CDH20: variants seen among roughly 807,000 people sequenced by gnomAD.
CDH20 encodes cadherin 20, also known as cadherin-20.
Under a neutral mutation model 74.2 loss-of-function variants are expected in CDH20, and 29 were observed. The observed-to-expected ratio is 0.39, with a 90% confidence interval of 0.29 to 0.53. The LOEUF (loss-of-function observed/expected upper bound fraction) is 0.53. Among genes scored for constraint, CDH20 ranks in the 20% least tolerant of loss-of-function variants. The pLI is 0.69. For synonymous variants in CDH20, 469 were observed against 405.4 expected (o/e 1.16, Z -1.88); for missense variants, 988 against 1,048.3 (o/e 0.94, Z 0.79).
At chr18:61,350,414 G>A (rs1339826484) in intron 1 of CDH20, among the ~76,000 whole-genome samples, 6 of 151,962 alleles carry the variant, frequency 3.9e-5, no homozygotes, top group Non-Finnish European at 7.4e-5. Context: ...GACTTCCAGC[G>A]GTCTTGAGTT....
intron 1 of CDH20, among the ~76,000 whole-genome samples, chr18:61,459,045 T>C (rs1909678089): frequency 6.6e-6 from 1 of 152,216 alleles, no homozygotes; most frequent in African/African-American, 2.4e-5. Context: ...CAGTAATAGC[T>C]CCTAAGTGGA....
intron 1 of CDH20, among the ~76,000 whole-genome samples, chr18:61,347,299 TATATATATATATATATATATACACAC>T (rs1218203610): frequency 1.2e-4 from 9 of 74,314 alleles, no homozygotes; most frequent in Non-Finnish European, 2.1e-4. Context: ...TATATATATA[TATATATATATATATATATATACACAC>T]ACACACACAC....
chr18:61,375,845 T>G (rs576599701), intron 1 of CDH20, among the ~76,000 whole-genome samples: 6 of 152,134 alleles, frequency 3.9e-5, no homozygotes, highest in African/African-American at 1.4e-4. Flanking sequence ...TTTAATCTCT[T>G]ACATTTTCCA....
At chr18:61,448,325 A>G (rs1909266608) in intron 1 of CDH20, among the ~76,000 whole-genome samples, 1 of 152,166 alleles carries the variant, frequency 6.6e-6, no homozygotes, top group Non-Finnish European at 1.5e-5. Flanking sequence ...TGCTTTCCCC[A>G]TCTATTAGAT....
intron 9 of CDH20, among the ~76,000 whole-genome samples, chr18:61,543,483 CTGTT>C (rs959344586): frequency 1.3e-5 from 2 of 151,880 alleles, no homozygotes; most frequent in Non-Finnish European, 2.9e-5. Flanking sequence ...TTCCAGTCGT[CTGTT>C]TCACACAGAT....
chr18:61,449,658 G>A (rs1161853768), intron 1 of CDH20, among the ~76,000 whole-genome samples: 2 of 151,874 alleles, frequency 1.3e-5, no homozygotes, highest in Non-Finnish European at 2.9e-5. Context: ...TAAGTTAATG[G>A]AATCATAAAG....
chr18:61,531,677 T>G (rs1029129605), intron 7 of CDH20, among the ~76,000 whole-genome samples: 8 of 152,184 alleles, frequency 5.3e-5, no homozygotes, highest in Non-Finnish European at 1.2e-4. Flanking sequence ...AATCTCACCT[T>G]GAATTGTAAT....
chr18:61,401,016 G>A (rs1236831826), intron 1 of CDH20, among the ~76,000 whole-genome samples: 1 of 152,168 alleles, frequency 6.6e-6, no homozygotes, highest in Non-Finnish European at 1.5e-5. Flanking sequence ...GATCTAATGC[G>A]TTGAAGGGCT....
chr18:61,554,854 G>C lies in CDH20; in HGVS notation c.*159G>C, dbSNP rs983530134. 4 of 1,407,946 alleles carry C rather than the reference G, an allele frequency of 2.8e-6. No individual in the cohort carries two copies. Among genetic ancestry groups the C allele is most frequent in the Non-Finnish European group, 3.7e-6 (4 of 1,084,068 alleles). 87.2% of individuals were successfully genotyped at this position (1,407,946 alleles called of 1,614,324 possible). On this transcript the variant is annotated 3_prime_UTR_variant, in exon 12 of 12. Transcript: ENST00000262717. ...TCTCTGGATCAGCTTTACTTGGGTAGATTAAGTTAAATAAGCAAAAGGAAA... is the reference window on the plus strand; with the variant it reads ...TCTCTGGATCAGCTTTACTTGGGTACATTAAGTTAAATAAGCAAAAGGAAA...
intron 1 of CDH20, among the ~76,000 whole-genome samples, chr18:61,422,449 T>C (rs1247421039): frequency 6.6e-6 from 1 of 152,150 alleles, no homozygotes; most frequent in East Asian, 1.9e-4. Flanking sequence ...AATAAATAAA[T>C]AGCCACATTA....
intron 1 of CDH20, among the ~76,000 whole-genome samples, chr18:61,445,044 C>T (rs549426343): frequency 1.3e-5 from 2 of 152,172 alleles, no homozygotes; most frequent in African/African-American, 2.4e-5. Flanking sequence ...CATTCTGAAA[C>T]TTCATTACTA....
chr18:61,541,102 T>C (rs991167748), intron 9 of CDH20, among the ~76,000 whole-genome samples: 6 of 152,106 alleles, frequency 3.9e-5, no homozygotes, highest in Non-Finnish European at 7.4e-5. Context: ...TCCATGTTAT[T>C]ATAAGTAAAG....
intron 6 of CDH20, among the ~76,000 whole-genome samples, chr18:61,522,857 G>C (rs1448403141): frequency 6.6e-6 from 1 of 152,174 alleles, no homozygotes; most frequent in East Asian, 1.9e-4. Context: ...AAACTGGCTA[G>C]CCATATGCAG....
chr18:61,384,808 C>A (rs1236622759), intron 1 of CDH20, among the ~76,000 whole-genome samples: 1 of 152,042 alleles, frequency 6.6e-6, no homozygotes, highest in Non-Finnish European at 1.5e-5. Flanking sequence ...TCCACTGAAG[C>A]CAAGTACTTT....
At chr18:61,354,107 C>T (rs1307877983) in intron 1 of CDH20, among the ~76,000 whole-genome samples, 1 of 151,992 alleles carries the variant, frequency 6.6e-6, no homozygotes, top group Non-Finnish European at 1.5e-5. Context: ...ATCTCATGAG[C>T]CACATTTCCA....
chr18:61,420,351 C>A (rs1736763694), intron 1 of CDH20, among the ~76,000 whole-genome samples: 1 of 130,814 alleles, frequency 7.6e-6, no homozygotes, highest in Non-Finnish European at 1.6e-5. Context: ...AGCCTGTCTT[C>A]ACAGGCTTTT....
intron 6 of CDH20, among the ~76,000 whole-genome samples, chr18:61,518,594 A>T (rs1912086554): frequency 6.6e-6 from 1 of 151,370 alleles, no homozygotes; most frequent in South Asian, 2.1e-4. Context: ...AACAACATCC[A>T]CACAGAAACC....
intron 5 of CDH20, among the ~76,000 whole-genome samples, chr18:61,506,129 T>C (rs1463680324): frequency 1.3e-5 from 2 of 152,262 alleles, no homozygotes; most frequent in African/African-American, 4.8e-5. Context: ...TATTTATTTA[T>C]AATATAATGT....
intron 1 of CDH20, among the ~76,000 whole-genome samples, chr18:61,354,856 T>G (rs113726692): frequency 6.6e-6 from 1 of 152,250 alleles, no homozygotes; most frequent in African/African-American, 2.4e-5. Flanking sequence ...CATTTGTAAG[T>G]ACTTCTGACA....
Sources: allele counts gnomAD v4.1 joint callset (sites outside exome capture counted in the v4.1 genomes callset), GRCh38; gene constraint gnomAD v4.1.1; transcripts MANE v1.5; gene names NCBI Gene and HGNC (gene_info 2026-07-23, HGNC 2026-07-21).